Variants in NMU observed in about 807,000 individuals in gnomAD.
NMU encodes the protein neuromedin U.
A neutral mutation model predicts 35.4 loss-of-function variants in NMU; 29 were observed. The observed-to-expected ratio is 0.82, with a 90% CI of 0.61 to 1.12. NMU has a LOEUF of 1.12. Among genes scored for constraint, NMU ranks in the 50% most tolerant of loss-of-function variants. NMU has a pLI of 0.00. For synonymous variants in NMU, 78 were observed against 81.3 expected (o/e 0.96, Z 0.22); for missense variants, 199 against 206.2 (o/e 0.97, Z 0.21).
At chr4:55,609,521 G>A (rs1733847946) in intron 3 of NMU, among the ~76,000 whole-genome samples, 2 of 152,172 alleles carry the variant, frequency 1.3e-5, no homozygotes, top group African/African-American at 4.8e-5. Flanking sequence ...GCCAGAAGAG[G>A]AATTATTCTT....
intron 2 of NMU, among the ~76,000 whole-genome samples, chr4:55,620,177 CG>C (rs1734328223): frequency 2.7e-5 from 1 of 36,698 alleles, no homozygotes; most frequent in Non-Finnish European, 5.9e-5. Flanking sequence ...ATGATTTTGA[CG>C]AGCTGAGAGA....
At chr4:55,608,705 C>CTT (rs3840303) in intron 4 of NMU, among the ~76,000 whole-genome samples, 1 of 145,890 alleles carries the variant, frequency 6.9e-6, no homozygotes, top group South Asian at 2.2e-4. Flanking sequence ...ATACAGTTTG[C>CTT]TTTTTTTTTT....
chr4:55,605,192 G>T, intron 7 of NMU, 83 bp downstream of exon 7: 1 of 920,340 alleles, frequency 1.1e-6, no homozygotes, highest in Non-Finnish European at 1.8e-6. Context: ...AGCAGCATTT[G>T]ATGAACTACC....
chr4:55,629,422 C>T (rs1734670185), intron 2 of NMU, among the ~76,000 whole-genome samples: 1 of 151,368 alleles, frequency 6.6e-6, no homozygotes, highest in Non-Finnish European at 1.5e-5. Flanking sequence ...AGATGGAGAC[C>T]ATCCTGGCCA....
At chr4:55,618,803 TTTTCTTCTC>T (rs1734231970) in intron 2 of NMU, among the ~76,000 whole-genome samples, 1 of 151,100 alleles carries the variant, frequency 6.6e-6, no homozygotes, top group South Asian at 2.1e-4. Context: ...CTTCTCTTCC[TTTTCTTCTC>T]TTTCTTCTCT....
chr4:55,599,189 A>G lies in NMU; in HGVS notation c.490-8T>C. The G allele has an allele frequency of 1.9e-6, 3 of 1,601,700 alleles. No homozygotes were observed. Among genetic ancestry groups the G allele is most frequent in the Non-Finnish European group, 2.6e-6 (3 of 1,168,906 alleles). On this transcript the variant is annotated splice_region_variant and splice_polypyrimidine_tract_variant and intron_variant, in intron 8 of 9. Coordinates refer to ENST00000264218, the MANE Select transcript of NMU (RefSeq NM_006681.4). ...CCTTCTTCCATTCCGTGGCTGAAAA[A>G]TAATAGATTAGAAATAAATCAGTGT...
At chr4:55,603,055 T>A (rs1466541367) in intron 7 of NMU, among the ~76,000 whole-genome samples, 1 of 152,198 alleles carries the variant, frequency 6.6e-6, no homozygotes, top group African/African-American at 2.4e-5. Flanking sequence ...TGGAGTGCAG[T>A]GGCACGATCT....
At chr4:55,620,012 T>C (rs1577956610) in intron 2 of NMU, among the ~76,000 whole-genome samples, 1 of 149,314 alleles carries the variant, frequency 6.7e-6, no homozygotes, top group Non-Finnish European at 1.5e-5. Flanking sequence ...AAAACCCATC[T>C]GTATATCACC....
chr4:55,596,824 T>C (rs947857315), intron 9 of NMU, among the ~76,000 whole-genome samples: 2 of 152,216 alleles, frequency 1.3e-5, no homozygotes, highest in Non-Finnish European at 2.9e-5. Context: ...AGAGTATCTT[T>C]ATCTTGTTCC....
At chr4:55,607,837 C>T (rs1464038024) in intron 4 of NMU, among the ~76,000 whole-genome samples, 1 of 152,112 alleles carries the variant, frequency 6.6e-6, no homozygotes, top group African/African-American at 2.4e-5. Flanking sequence ...CTGTTTATCA[C>T]TAAATATGAA....
Position 55,630,194 on chromosome 4 carries a change from A to G in NMU, c.171+208T>C, listed in dbSNP as rs115086595. ...TTCTTGTATTACTCTATTATATCCTATTATTAGGACTTATTTCTGCTCTCT... is the reference window on the plus strand; with the variant it reads ...TTCTTGTATTACTCTATTATATCCTGTTATTAGGACTTATTTCTGCTCTCT... On this transcript the variant is annotated intron_variant, in intron 2 of 9. Coordinates refer to ENST00000264218, the MANE Select transcript of NMU (RefSeq NM_006681.4). Among the ~76,000 whole-genome samples, 634 of 152,172 alleles carry G rather than the reference A, an allele frequency of 4.2e-3. 7 individuals are homozygous for G. Among genetic ancestry groups the G allele is most frequent in the African/African-American group, 0.014 (598 of 41,552 alleles).
chr4:55,626,254 T>C (rs1288831909), intron 2 of NMU, among the ~76,000 whole-genome samples: 2 of 152,272 alleles, frequency 1.3e-5, no homozygotes, highest in African/African-American at 2.4e-5. Flanking sequence ...TTATATGTTT[T>C]AGATGTTTGT....
chr4:55,619,095 C>T (rs1734250648), intron 2 of NMU, among the ~76,000 whole-genome samples: 1 of 152,120 alleles, frequency 6.6e-6, no homozygotes, highest in African/African-American at 2.4e-5. Flanking sequence ...TCTTGAACTT[C>T]TGAGCTCAAG....
At chr4:55,627,600 G>C (rs1272596770) in intron 2 of NMU, among the ~76,000 whole-genome samples, 1 of 151,594 alleles carries the variant, frequency 6.6e-6, no homozygotes, top group Non-Finnish European at 1.5e-5. Context: ...GTGTATTTTT[G>C]GTTAATTTCT....
rs766633520 is a variant in NMU, at chr4:55,603,926, AATAT to A, written c.435+1345_435+1348del. On this transcript the variant is annotated intron_variant, in intron 7 of 9. Transcript: ENST00000264218. The stretch of plus-strand genomic sequence containing the variant: ...GAGTCCGTCTCAAAAAAAAAAAAAA[AATAT>A]ATATATATATATATATGTATATATG... Among the ~76,000 whole-genome samples the A allele has an allele frequency of 3.0e-3, 131 of 43,490 alleles. 18 individuals carry two copies. Among genetic ancestry groups the A allele is most frequent in the African/African-American group, 0.011 (101 of 9,440 alleles). The allele number at this position is 43,490 out of a possible 152,430, so 28.5% of individuals were successfully genotyped here. A position where few individuals can be genotyped will look rare whatever the true frequency, so the allele number is the denominator to read the frequency against.
At position 55,619,833 on chromosome 4, in the gene NMU, G is replaced by C. The variant is rs995373098; in HGVS notation, c.172-3448C>G. Reference sequence around the variant, plus strand: ...CTGGAGATCTGAGAACTGGCAGACTGCCTCCTCAAGTGGGTCCCTGACCCC... The same window carrying C: ...CTGGAGATCTGAGAACTGGCAGACTCCCTCCTCAAGTGGGTCCCTGACCCC... On this transcript the variant is annotated intron_variant, in intron 2 of 9. Transcript: ENST00000264218. 7.0e-5 allele frequency among the ~76,000 whole-genome samples: 10 copies of C among 143,194 alleles called. 1 individual carries two copies. Among genetic ancestry groups the C allele is most frequent in the South Asian group, 2.6e-4 (1 of 3,884 alleles). The allele number at this position is 143,194 out of a possible 152,430, so 93.9% of individuals were successfully genotyped here.
chr4:55,603,932 T>A lies in NMU; in HGVS notation c.435+1343A>T, dbSNP rs1336215960. 9.5e-4 allele frequency among the ~76,000 whole-genome samples: 59 copies of A among 62,054 alleles called. 6 individuals are homozygous for A. The highest frequency in any genetic ancestry group is 1.4e-3 in the African/African-American group (26 of 18,764). 40.7% of individuals were successfully genotyped at this position (62,054 alleles called of 152,430 possible). On this transcript the variant is annotated intron_variant, in intron 7 of 9. Transcript: ENST00000264218. Reference sequence around the variant, plus strand: ...GTCTCAAAAAAAAAAAAAAAATATATATATATATATATATGTATATATGTG... The same window carrying A: ...GTCTCAAAAAAAAAAAAAAAATATAAATATATATATATATGTATATATGTG...
intron 1 of NMU, among the ~76,000 whole-genome samples, chr4:55,631,873 T>C (rs1317883205): frequency 6.6e-6 from 1 of 152,196 alleles, no homozygotes; most frequent in African/African-American, 2.4e-5. Flanking sequence ...CACATGTTTA[T>C]AGCAGCACAA....
At chr4:55,595,643 A>ATATATATT (rs1258986050) in intron 9 of NMU, among the ~76,000 whole-genome samples, 36 of 66,374 alleles carry the variant, frequency 5.4e-4, no homozygotes, top group Non-Finnish European at 7.2e-4. Context: ...ATATATATAT[A>ATATATATT]TTTTTTTTTT....
Sources: allele counts gnomAD v4.1 joint callset (sites outside exome capture counted in the v4.1 genomes callset), GRCh38; gene constraint gnomAD v4.1.1; transcripts MANE v1.5; gene names NCBI Gene and HGNC (gene_info 2026-07-23, HGNC 2026-07-21).